The following TBC1D9B variants were observed in gnomAD, a reference collection of about 807,000 sequenced individuals.
The protein encoded by TBC1D9B is TBC1 domain family, member 9B (with GRAM domain).
TBC1D9B carries 87 observed loss-of-function variants against 121.1 expected under a neutral mutation model. The observed-to-expected ratio is 0.72, with a 90% CI of 0.60 to 0.86. TBC1D9B has a LOEUF of 0.86. Among genes scored for constraint, TBC1D9B ranks in the 40% least tolerant of loss-of-function variants. TBC1D9B has a pLI of 0.00. For missense variants in TBC1D9B, 1,540 were observed against 1,628.6 expected (o/e 0.95, Z 0.94); for synonymous variants, 668 against 670.1 (o/e 1.00, Z 0.05).
In TBC1D9B at chr5:179,863,623, T is replaced by TCGACGGTGC; in HGVS notation, c.3518_3526dup (p.Gly1173_Val1175dup). ...CTCAAAGGAGATGCACCAGTCGGTGTCGACGGTGCCGCCGATGCGCGCTGT... is the reference window on the plus strand; with the variant it reads ...CTCAAAGGAGATGCACCAGTCGGTGTCGACGGTGCCGACGGTGCCGCCGATGCGCGCTGT... On this transcript the variant is annotated inframe_insertion, in exon 21 of 21. Coordinates refer to ENST00000355235, the MANE Select transcript of TBC1D9B (RefSeq NM_015043.4). The surrounding 1 kb of genome is among the most constrained non-coding windows in gnomAD (Gnocchi z 4.5). 4 of 1,613,778 alleles carry TCGACGGTGC rather than the reference T, an allele frequency of 2.5e-6. No individual in the cohort carries two copies. The highest frequency in any genetic ancestry group is 3.4e-6 in the Non-Finnish European group (4 of 1,180,016).
chr5:179,889,925 G>A (rs1040797152), intron 6 of TBC1D9B, among the ~76,000 whole-genome samples: 1 of 151,324 alleles, frequency 6.6e-6, no homozygotes, highest in African/African-American at 2.4e-5. Flanking sequence ...TGTGGTTAGG[G>A]AGTGGCTAAA....
intron 17 of TBC1D9B, chr5:179,869,439 T>C (rs890962878): frequency 6.2e-6 from 3 of 484,892 alleles, no homozygotes; most frequent in Non-Finnish European, 1.2e-5. Context: ...GACAGATAAA[T>C]GCAGCAGTTT....
At position 179,904,893 on chromosome 5, in the gene TBC1D9B, G is replaced by A; in HGVS notation, c.119-81C>T. The A allele has an allele frequency of 8.7e-7, 1 of 1,144,106 alleles. No individual in the cohort carries two copies. The allele number at this position is 1,144,106 out of a possible 1,614,324, so 70.9% of individuals were successfully genotyped here. A position where few individuals can be genotyped will look rare whatever the true frequency, so the allele number is the denominator to read the frequency against. On this transcript the variant is annotated intron_variant, in intron 1 of 20. Transcript: ENST00000355235. This position sits in a 1 kb window ranked among gnomAD's most constrained non-coding sequence, Gnocchi z 4.2. ...TGAAGGCTGAGTCTGGCCGGAGGCA[G>A]ACAGGATGGTGACGCTACCCAAAGG...
rs1760449727 is a variant in TBC1D9B, at chr5:179,879,060, C to A, written c.1554G>T (p.Trp518Cys). 6.2e-7 allele frequency: 1 copy of A among 1,603,144 alleles called. No individual in the cohort carries two copies. The highest frequency in any genetic ancestry group is 8.5e-7 in the Non-Finnish European group (1 of 1,179,850). ...GIPESLRGEL[W>C]LLFSGAWNEM... The stretch of plus-strand genomic sequence containing the variant: ...CACCCCACTCACCGGAGAAGAGGAG[C>A]CACAGCTCTCCCCGGAGGCTCTCAG... Residue 518 changes from tryptophan (W) to cysteine (C), a missense_variant, in exon 9 of 21, where the codon TGG becomes TGT. Transcript: ENST00000355235.
At chr5:179,898,729 GTGGGCCACCACACCTGGCCCT>G (rs1425148007) in intron 3 of TBC1D9B, among the ~76,000 whole-genome samples, 2 of 152,070 alleles carry the variant, frequency 1.3e-5, no homozygotes, top group African/African-American at 2.4e-5. Flanking sequence ...GATTATAGGT[GTGGGCCACCACACCTGGCCCT>G]TTAAACTGTA....
intron 10 of TBC1D9B, among the ~76,000 whole-genome samples, chr5:179,876,679 G>T (rs936925498): frequency 1.3e-5 from 2 of 152,218 alleles, no homozygotes; most frequent in Non-Finnish European, 2.9e-5. Context: ...TATAGCAAGT[G>T]TTGATGAGGA....
At chr5:179,880,372 G>C (rs1223485560) in intron 7 of TBC1D9B, among the ~76,000 whole-genome samples, 1 of 152,248 alleles carries the variant, frequency 6.6e-6, no homozygotes, top group Non-Finnish European at 1.5e-5. Context: ...GCAAAGTCCA[G>C]TGGGGGAGAG....
intron 1 of TBC1D9B, among the ~76,000 whole-genome samples, chr5:179,906,831 C>T (rs1163882313): frequency 1.3e-5 from 2 of 152,252 alleles, no homozygotes; most frequent in African/African-American, 4.8e-5. Context: ...ATAAACTGGA[C>T]GACCTGGCAA....
chr5:179,881,623 C>T (rs1760541758), intron 7 of TBC1D9B, among the ~76,000 whole-genome samples: 1 of 152,212 alleles, frequency 6.6e-6, no homozygotes, highest in Non-Finnish European at 1.5e-5. Flanking sequence ...AAGTTACCTC[C>T]ATTACTCTGT....
chr5:179,907,877 C>G lies in TBC1D9B; in HGVS notation c.-56G>C, dbSNP rs1582113272. 1 of 971,230 alleles carries G rather than the reference C, an allele frequency of 1.0e-6. No individual in the cohort carries two copies. The highest frequency in any genetic ancestry group is 1.2e-6 in the Non-Finnish European group (1 of 810,070). The allele number at this position is 971,230 out of a possible 1,614,324, so 60.2% of individuals were successfully genotyped here. On this transcript the variant is annotated 5_prime_UTR_variant, in exon 1 of 21. Transcript: ENST00000355235. This position sits in a 1 kb window ranked among gnomAD's most constrained non-coding sequence, Gnocchi z 5.3. Reference sequence around the variant, plus strand: ...GCGAGACGGAAGCGCCCGCCGCCGTCGGCGTCCCGGAGCGGAGCGTGCGGA... The same window carrying G: ...GCGAGACGGAAGCGCCCGCCGCCGTGGGCGTCCCGGAGCGGAGCGTGCGGA...
chr5:179,870,734 G>A (rs952411462), intron 15 of TBC1D9B: 4 of 568,294 alleles, frequency 7.0e-6, no homozygotes, highest in South Asian at 2.4e-5. Context: ...GCAGGGGGCA[G>A]AGCTGGTCTG....
At chr5:179,901,133 C>T (rs1417203240) in intron 2 of TBC1D9B, among the ~76,000 whole-genome samples, 4 of 152,206 alleles carry the variant, frequency 2.6e-5, no homozygotes, top group African/African-American at 7.2e-5. Context: ...AGGATGCCCA[C>T]GGGAAAACGA....
rs896146518 is a variant in TBC1D9B at position 179,902,518 on chromosome 5, G to A, written c.229+2184C>T. 1.3e-5 allele frequency among the ~76,000 whole-genome samples: 2 copies of A among 152,186 alleles called. No individual in the cohort carries two copies. Among genetic ancestry groups the A allele is most frequent in the East Asian group, 1.9e-4 (1 of 5,196 alleles). On this transcript the variant is annotated intron_variant, in intron 2 of 20. Coordinates refer to ENST00000355235, the MANE Select transcript of TBC1D9B (RefSeq NM_015043.4). This position sits in a 1 kb window ranked among gnomAD's most constrained non-coding sequence, Gnocchi z 4.9. ...ACAGCCAGGGCCAGTGCAGGGCTTT[G>A]GGCCTGGCAGGAGGGGAGAGGTCAA... is the stretch of plus-strand genomic sequence containing the variant.
chr5:179,897,193 C>T (rs1344499963), intron 3 of TBC1D9B, among the ~76,000 whole-genome samples: 2 of 152,180 alleles, frequency 1.3e-5, no homozygotes, highest in African/African-American at 2.4e-5. Context: ...AGGCATAAGC[C>T]ACTGCGCCTG....
rs2113654881 is a variant in TBC1D9B at position 179,904,938 on chromosome 5, A to G, written c.119-126T>C. ...CAAAGGGTCCAGCCCAACGAGGGAA[A>G]CGTCCGGAATGACCCCTGCGGTCAA... On this transcript the variant is annotated intron_variant, in intron 1 of 20. Transcript: ENST00000355235. This position sits in a 1 kb window ranked among gnomAD's most constrained non-coding sequence, Gnocchi z 4.2. 4 of 680,474 alleles carry G rather than the reference A, an allele frequency of 5.9e-6. No homozygotes were observed. The highest frequency in any genetic ancestry group is 9.5e-6 in the Non-Finnish European group (4 of 420,000). 42.2% of individuals were successfully genotyped at this position (680,474 alleles called of 1,614,324 possible).
At chr5:179,864,292 G>A (rs1271314602) in intron 20 of TBC1D9B, among the ~76,000 whole-genome samples, 164 bp from the exon 21 acceptor site, 1 of 152,110 alleles carries the variant, frequency 6.6e-6, no homozygotes, top group African/African-American at 2.4e-5. Context: ...TCAGGACACA[G>A]GCTCAGAGAG....
At chr5:179,893,889 G>A (rs1220166521) in intron 4 of TBC1D9B, among the ~76,000 whole-genome samples, 2 of 152,230 alleles carry the variant, frequency 1.3e-5, no homozygotes, top group African/African-American at 4.8e-5. Context: ...GGGCAGGAGG[G>A]GGCACAGGGA....
At chr5:179,883,774 C>T (rs1460939736) in intron 7 of TBC1D9B, among the ~76,000 whole-genome samples, 2 of 152,148 alleles carry the variant, frequency 1.3e-5, no homozygotes, top group Non-Finnish European at 2.9e-5. Flanking sequence ...GGTTCACTTT[C>T]TCCCCGCAAT....
intron 3 of TBC1D9B, 121 bp from the exon 4 acceptor site, chr5:179,894,735 G>T: frequency 4.5e-6 from 4 of 893,956 alleles, no homozygotes; most frequent in Non-Finnish European, 6.8e-6. Flanking sequence ...TACAGGCACA[G>T]CTGGGAACAG....
Sources: gnomAD v4.1 joint callset for allele counts (sites outside exome capture counted in the v4.1 genomes callset) on GRCh38, gnomAD v4.1.1 for gene constraint, Gnocchi (gnomAD v3.1) non-coding constraint, MANE v1.5 for transcripts, NCBI Gene and HGNC (gene_info 2026-07-23, HGNC 2026-07-21) for gene names.